Variants in PSD3 observed in about 807,000 individuals in gnomAD.
PSD3 encodes pleckstrin and Sec7 domain containing 3.
PSD3 carries 49 observed loss-of-function variants against 105.5 expected under a neutral mutation model. The observed-to-expected ratio is 0.46, with a 90% CI of 0.37 to 0.59. The LOEUF is 0.59. Among genes scored for constraint, PSD3 ranks in the 20% least tolerant of loss-of-function variants. The pLI, the probability that PSD3 is intolerant of heterozygous loss-of-function variation, is 0.00. For missense variants in PSD3, 1,561 were observed against 1,263.8 expected (o/e 1.24, Z -3.57); for synonymous variants, 557 against 457.8 (o/e 1.22, Z -2.77).
chr8:18,652,432 G>C (rs1808561759), intron 10 of PSD3, among the ~76,000 whole-genome samples: 2 of 151,008 alleles, frequency 1.3e-5, no homozygotes, highest in Non-Finnish European at 1.5e-5. Flanking sequence ...AGAAACGGGA[G>C]AGCACAGTGT....
chr8:19,007,283 G>A (rs544334517), intron 1 of PSD3, among the ~76,000 whole-genome samples: 1 of 151,752 alleles, frequency 6.6e-6, no homozygotes, highest in Non-Finnish European at 1.5e-5. Context: ...AGTGAGAAAT[G>A]ACAGCCCAGG....
At chr8:19,027,259 G>A (rs917526058) in intron 1 of PSD3, among the ~76,000 whole-genome samples, 2 of 152,118 alleles carry the variant, frequency 1.3e-5, no homozygotes, top group Non-Finnish European at 2.9e-5. Flanking sequence ...CTCTCATTCT[G>A]GACATAACTG....
chr8:18,971,381 G>A (rs1023475967), intron 1 of PSD3, among the ~76,000 whole-genome samples: 1 of 152,130 alleles, frequency 6.6e-6, no homozygotes, highest in African/African-American at 2.4e-5. Flanking sequence ...CCTCCCATGC[G>A]CCTGGGCTCT....
chr8:18,946,940 T>C (rs888121916), intron 1 of PSD3, among the ~76,000 whole-genome samples: 5 of 149,550 alleles, frequency 3.3e-5, no homozygotes, highest in Non-Finnish European at 7.4e-5. Context: ...ATAAATAAAA[T>C]ATATTATAAA....
intron 2 of PSD3, among the ~76,000 whole-genome samples, chr8:18,923,135 A>G (rs1484651272): frequency 2.0e-5 from 3 of 152,196 alleles, no homozygotes; most frequent in African/African-American, 7.2e-5. Context: ...GCCACACTGG[A>G]AGAACTGTCT....
chr8:19,005,029 C>A lies in PSD3; in HGVS notation c.21+8534G>T, dbSNP rs545192791. ...TCTTTATCAGCAGTGTGAAAATGGA[C>A]GAATACGAGCCAATAAGCACGTGAA... On this transcript the variant is annotated intron_variant, in intron 1 of 15. Coordinates refer to ENST00000327040, the MANE Select transcript of PSD3 (RefSeq NM_015310.4). Among the ~76,000 whole-genome samples the A allele has an allele frequency of 2.0e-5, 3 of 152,058 alleles. No homozygotes were observed. In the South Asian group the frequency reaches 6.3e-4, roughly 32 times the overall value.
At chr8:18,755,511 C>G (rs1188326641) in intron 9 of PSD3, among the ~76,000 whole-genome samples, 1 of 147,752 alleles carries the variant, frequency 6.8e-6, no homozygotes, top group Non-Finnish European at 1.5e-5. Flanking sequence ...TACAAACATT[C>G]AAACGTCTAT....
intron 9 of PSD3, among the ~76,000 whole-genome samples, chr8:18,679,457 T>C (rs1186297305): frequency 2.0e-5 from 3 of 152,252 alleles, no homozygotes; most frequent in Admixed American, 6.5e-5. Context: ...AACACGTTTA[T>C]GGTTAACATC....
In PSD3 at chr8:18,899,744, C is replaced by A. The variant is rs78082653; in HGVS notation, c.131-27011G>T. The stretch of plus-strand genomic sequence containing the variant: ...CTTAGGGACAAAGCACTGATGGAAC[C>A]AATCCAGCAGAAGAGTTCTTGTTGT... On this transcript the variant is annotated intron_variant, in intron 2 of 15. Transcript: ENST00000327040. Among the ~76,000 whole-genome samples, 102 of 152,194 alleles carry A rather than the reference C, an allele frequency of 6.7e-4. 1 individual carries two copies. In the East Asian group the frequency reaches 0.011, roughly 17 times the overall value.
intron 14 of PSD3, among the ~76,000 whole-genome samples, chr8:18,566,786 A>G (rs949856653): frequency 6.6e-6 from 1 of 152,170 alleles, no homozygotes; most frequent in Non-Finnish European, 1.5e-5. Flanking sequence ...TATACTACAT[A>G]TGCATGTTTT....
intron 1 of PSD3, among the ~76,000 whole-genome samples, chr8:18,960,006 A>G (rs1343793974): frequency 2.6e-5 from 4 of 152,140 alleles, no homozygotes; most frequent in South Asian, 2.1e-4. Flanking sequence ...TCCCACTCCA[A>G]CCTGAAAAAT....
At chr8:18,795,020 A>C (rs1428416214) in intron 8 of PSD3, among the ~76,000 whole-genome samples, 1 of 152,248 alleles carries the variant, frequency 6.6e-6, no homozygotes, top group African/African-American at 2.4e-5. Context: ...TAGAAAGCCA[A>C]TGCAATAATT....
intron 10 of PSD3, among the ~76,000 whole-genome samples, chr8:18,648,767 T>C (rs1808247192): frequency 6.6e-6 from 1 of 152,180 alleles, no homozygotes; most frequent in Non-Finnish European, 1.5e-5. Context: ...CATAGGCCAG[T>C]CCCCGGGAAG....
chr8:18,798,748 T>A (rs1810413107), intron 8 of PSD3, among the ~76,000 whole-genome samples: 1 of 152,132 alleles, frequency 6.6e-6, no homozygotes, highest in African/African-American at 2.4e-5. Flanking sequence ...GCTAAAATTC[T>A]ACTTCTACAA....
intron 4 of PSD3, among the ~76,000 whole-genome samples, chr8:18,854,838 C>T (rs1815873658): frequency 6.6e-6 from 1 of 151,336 alleles, no homozygotes; most frequent in South Asian, 2.1e-4. Context: ...TTTCTATTTT[C>T]ATTTCTAGTT....
At chr8:18,813,170 C>T (rs1362083673) in intron 4 of PSD3, among the ~76,000 whole-genome samples, 2 of 152,132 alleles carry the variant, frequency 1.3e-5, no homozygotes, top group Non-Finnish European at 2.9e-5. Flanking sequence ...GAGCTATGTT[C>T]AAGGGTGGGT....
chr8:18,790,711 C>A (rs116712628), intron 8 of PSD3, among the ~76,000 whole-genome samples: 200 of 151,796 alleles, frequency 1.3e-3, no homozygotes, highest in African/African-American at 4.5e-3. Context: ...AACGCCAGGC[C>A]CCACTAGAAA....
At chr8:19,042,849 G>A (rs1037260477) in intron 1 of PSD3, among the ~76,000 whole-genome samples, 1 of 152,106 alleles carries the variant, frequency 6.6e-6, no homozygotes, top group African/African-American at 2.4e-5. Context: ...TAAAAAGAAA[G>A]CACAACCTTA....
chr8:18,804,640 A>C (rs760601706), intron 5 of PSD3, 38 bp from the exon 6 acceptor site: 1 of 1,610,580 alleles, frequency 6.2e-7, no homozygotes, highest in African/African-American at 1.3e-5. Context: ...ATTGAAAGGT[A>C]AACTATTTAA....
Sources: gnomAD v4.1 joint callset for allele counts (sites outside exome capture counted in the v4.1 genomes callset) on GRCh38, gnomAD v4.1.1 for gene constraint, MANE v1.5 for transcripts, NCBI Gene and HGNC (gene_info 2026-07-23, HGNC 2026-07-21) for gene names.